The following ARHGEF11 variants were observed in gnomAD, a reference collection of about 807,000 sequenced individuals.
ARHGEF11 encodes the protein Rho guanine exchange factor (GEF) 11.
Under a neutral mutation model 193.7 loss-of-function variants are expected in ARHGEF11, and 55 were observed. That is an observed-to-expected ratio of 0.28 (90% confidence interval 0.23 to 0.36). The LOEUF is 0.36. Among genes scored for constraint, ARHGEF11 ranks in the 10% least tolerant of loss-of-function variants. ARHGEF11 has a pLI of 1.00. For synonymous variants in ARHGEF11, 693 were observed against 768.0 expected (o/e 0.90, Z 1.62); for missense variants, 1,723 against 2,005.6 (o/e 0.86, Z 2.69).
Position 156,943,978 on chromosome 1 carries a change from G to A in ARHGEF11, c.3192C>T (p.Pro1064=), listed in dbSNP as rs754411685. The part of the protein sequence containing the change: ...GSSDSKQTFS[P]VLKLNAVLIR... ...TGAGCACAGCATTGAGCTTGAGCACGGGGCTGAAGGTCTGCTTGCTGTCTG... is the reference window on the plus strand; with the variant it reads ...TGAGCACAGCATTGAGCTTGAGCACAGGGCTGAAGGTCTGCTTGCTGTCTG... The change falls in exon 32 of 41, where the codon CCC becomes CCT. Residue 1064 remains proline, a synonymous_variant. Transcript: ENST00000368194. 5.6e-6 allele frequency: 9 copies of A among 1,614,148 alleles called. No homozygotes were observed. The highest frequency in any genetic ancestry group is 4.5e-5 in the East Asian group (2 of 44,880).
chr1:156,991,993 G>A (rs1217095112), intron 1 of ARHGEF11, among the ~76,000 whole-genome samples: 2 of 152,168 alleles, frequency 1.3e-5, no homozygotes, highest in Admixed American at 6.5e-5. Flanking sequence ...TGGGATTACA[G>A]GCGTGAGCCA....
At chr1:156,954,777 G>T in intron 21 of ARHGEF11, 115 bp downstream of exon 21, 1 of 886,198 alleles carries the variant, frequency 1.1e-6, no homozygotes, top group Non-Finnish European at 1.8e-6. Flanking sequence ...AGAAAGAAAG[G>T]GAGGGAGGAG....
chr1:156,941,496 G>A (rs75968909), intron 34 of ARHGEF11, 63 bp from the exon 35 acceptor site: 24,049 of 1,550,022 alleles, frequency 0.016, 394 homozygotes, highest in African/African-American at 0.068. Flanking sequence ...TCATGCATTA[G>A]AATGGGCAAT....
Position 156,936,947 on chromosome 1 carries a change from C to T in ARHGEF11, c.4499G>A (p.Gly1500Asp), listed in dbSNP as rs1215355867. 1.9e-6 allele frequency: 3 copies of T among 1,614,092 alleles called. No individual in the cohort carries two copies. The highest frequency in any genetic ancestry group is 2.5e-6 in the Non-Finnish European group (3 of 1,180,028). Residue 1500 changes from glycine to aspartate, a missense_variant, in exon 40 of 41, where the codon GGC (glycine) becomes GAC (aspartate). Coordinates refer to ENST00000368194, the MANE Select transcript of ARHGEF11 (RefSeq NM_198236.3). ...GTGGAAACTGCCCACAGGCGTGGTGCCACCAGATGACTCTCCCCCAAGGGA... is the reference window on the plus strand; with the variant it reads ...GTGGAAACTGCCCACAGGCGTGGTGTCACCAGATGACTCTCCCCCAAGGGA... ...LKSLGGESSG[G>D]TTPVGSFHTE...
In ARHGEF11 at chr1:156,946,971, T is replaced by C. The variant is rs1047545249; in HGVS notation, c.2533A>G (p.Ile845Val). 8.1e-6 allele frequency: 13 copies of C among 1,614,032 alleles called. No homozygotes were observed. The highest frequency in any genetic ancestry group is 9.3e-6 in the Non-Finnish European group (11 of 1,180,044). The change falls in exon 27 of 41, where the codon ATC becomes GTC. Residue 845 changes from isoleucine to valine, a missense_variant. By Grantham distance (29) the Ile-to-Val change is conservative. Transcript: ENST00000368194. The stretch of plus-strand genomic sequence containing the variant: ...ATGAGGTCACTGATCTCTTTGATGA[T>C]GGGGCCTTCCTCCCGGAGCTTCTTC... ...AMKKLREEGP[I>V]IKEISDLMLA...
rs1461066444 is a variant in ARHGEF11, at chr1:156,961,747, T to C, written c.1169A>G (p.Gln390Arg). 4.3e-6 allele frequency: 7 copies of C among 1,614,216 alleles called. No individual in the cohort carries two copies. Among genetic ancestry groups the C allele is most frequent in the Non-Finnish European group, 5.9e-6 (7 of 1,180,016 alleles). ...TCGGGAATCCTTGGGGCTTGCCTGC[T>C]GATAAACTTCTGCACACAGGTAAAA... ...LLFYLCAEVYQQASPKDSRSL... is the reference protein window; with the variant it reads ...LLFYLCAEVYRQASPKDSRSL... The change falls in exon 14 of 41, where the codon CAG becomes CGG. Residue 390 changes from glutamine to arginine, a missense_variant. Gln to Arg is a conservative substitution (Grantham distance 43). Around this residue, in one of 5 missense-constraint regions of ARHGEF11, gnomAD observed 646 missense variants for 710.7 expected, o/e 0.91. Transcript: ENST00000368194.
chr1:156,948,690 C>A lies in ARHGEF11; in HGVS notation c.1926-192G>T. The A allele has an allele frequency of 6.5e-7, 1 of 1,527,578 alleles. No homozygotes were observed. The highest frequency in any genetic ancestry group is 8.8e-7 in the Non-Finnish European group (1 of 1,142,030). The allele number at this position is 1,527,578 out of a possible 1,614,324, so 94.6% of individuals were successfully genotyped here. ...CAGACTATTTTTGCTGCTCTACAAA[C>A]TCCTCCTCTCTCCCCAGCCTAGCCT... On this transcript the variant is annotated intron_variant, in intron 22 of 40. Coordinates refer to ENST00000368194, the MANE Select transcript of ARHGEF11 (RefSeq NM_198236.3). The surrounding 1 kb of genome is among the most constrained non-coding windows in gnomAD (Gnocchi z 4.2).
At chr1:156,990,124 C>T (rs761663768) in intron 1 of ARHGEF11, among the ~76,000 whole-genome samples, 1 of 152,218 alleles carries the variant, frequency 6.6e-6, no homozygotes, top group Non-Finnish European at 1.5e-5. Flanking sequence ...TACTTACGTC[C>T]TGTCTCTCAG....
intron 11 of ARHGEF11, among the ~76,000 whole-genome samples, chr1:156,966,064 G>GA (rs1008214445): frequency 1.2e-4 from 18 of 152,160 alleles, no homozygotes; most frequent in Admixed American, 3.9e-4. Context: ...TGCTCTAAGA[G>GA]AAAAAAGATG....
chr1:156,984,527 T>C (rs1664654477), intron 2 of ARHGEF11, 90 bp from the exon 3 acceptor site: 20 of 852,368 alleles, frequency 2.3e-5, no homozygotes, highest in Non-Finnish European at 3.7e-5. Context: ...CCCCAGTGCC[T>C]TTCTTCTTCA....
chr1:156,958,849 C>T lies in ARHGEF11; in HGVS notation c.1395G>A (p.Leu465=). ...QIHDYRTKRT[L]GLGSLYGEND... ...TTTCACCATACAGGCTGCCCAGCCC[C>T]AGTGTGCGCTTCGTTCTAAGCCAGA... Residue 465 remains leucine (L), a synonymous_variant, in exon 17 of 41, where the codon CTG becomes CTA. Coordinates refer to ENST00000368194, the MANE Select transcript of ARHGEF11 (RefSeq NM_198236.3). 13 of 1,614,230 alleles carry T rather than the reference C, an allele frequency of 8.1e-6. No homozygotes were observed. Among genetic ancestry groups the T allele is most frequent in the Non-Finnish European group, 1.1e-5 (13 of 1,180,034 alleles).
At chr1:156,988,385 G>A (rs1665236975) in intron 1 of ARHGEF11, among the ~76,000 whole-genome samples, 1 of 152,104 alleles carries the variant, frequency 6.6e-6, no homozygotes, top group South Asian at 2.1e-4. Flanking sequence ...CCTCCTACAT[G>A]TTCTGCCTAC....
intron 9 of ARHGEF11, 144 bp from the exon 10 acceptor site, chr1:156,969,502 A>C (rs1662217347): frequency 1.4e-6 from 1 of 734,318 alleles, no homozygotes; most frequent in South Asian, 1.7e-5. Context: ...CTCTCATCCC[A>C]TGACCTCTAG....
chr1:156,997,088 T>C (rs567362233), intron 1 of ARHGEF11, among the ~76,000 whole-genome samples: 19 of 151,722 alleles, frequency 1.3e-4, no homozygotes, highest in Non-Finnish European at 2.5e-4. Context: ...AGGCTGGTCT[T>C]GAACTCCTAG....
chr1:156,971,640 C>G, intron 8 of ARHGEF11, 57 bp downstream of exon 8: 2 of 1,568,446 alleles, frequency 1.3e-6, no homozygotes, highest in Non-Finnish European at 1.7e-6. Context: ...TTTTCCCTCA[C>G]TCTACCCCCA....
At chr1:156,992,619 A>G (rs572507721) in intron 1 of ARHGEF11, among the ~76,000 whole-genome samples, 19 of 152,124 alleles carry the variant, frequency 1.2e-4, no homozygotes, top group Admixed American at 2.0e-4. Context: ...GTGTGTGTAT[A>G]TATATATATA....
intron 1 of ARHGEF11, among the ~76,000 whole-genome samples, chr1:157,022,451 T>C (rs1670106871): frequency 6.6e-6 from 1 of 152,168 alleles, no homozygotes; most frequent in African/African-American, 2.4e-5. Flanking sequence ...ATACAATACC[T>C]AGGAATAAAT....
chr1:157,043,357 T>A (rs12137049), intron 1 of ARHGEF11, among the ~76,000 whole-genome samples: 7,579 of 152,140 alleles, frequency 0.05, 244 homozygotes, highest in Middle Eastern at 0.082. Flanking sequence ...AAGGTTCTCA[T>A]GGGGAGAAGC....
chr1:157,013,263 T>TCACACACACACACACACACACACA (rs71084208), intron 1 of ARHGEF11, among the ~76,000 whole-genome samples: 2 of 140,808 alleles, frequency 1.4e-5, no homozygotes, highest in East Asian at 2.1e-4. Flanking sequence ...CCACTATCAC[T>TCACACACACACACACACACACACA]CACACACACA....
Sources: allele counts gnomAD v4.1 joint callset (sites outside exome capture counted in the v4.1 genomes callset), GRCh38; gene constraint gnomAD v4.1.1; regional missense constraint gnomAD v4.1.1; non-coding constraint Gnocchi (gnomAD v3.1); transcripts MANE v1.5; gene names NCBI Gene and HGNC (gene_info 2026-07-23, HGNC 2026-07-21).